Variants in DPP8 observed in about 807,000 individuals in gnomAD.
DPP8 encodes DPP VIII.
A neutral mutation model predicts 107.5 loss-of-function variants in DPP8; 31 were observed. The ratio of observed to expected loss-of-function variants is 0.29; its 90% CI spans 0.22 to 0.39. The LOEUF is 0.39. DPP8 is among the 10% of genes least tolerant of loss of function. The probability of loss-of-function intolerance (pLI) is 1.00; values close to 1 mark genes in which losing one functional copy is unlikely to be tolerated. For missense variants in DPP8, 842 were observed against 1,076.1 expected (o/e 0.78, Z 3.04); for synonymous variants, 381 against 356.6 (o/e 1.07, Z -0.77).
intron 3 of DPP8, among the ~76,000 whole-genome samples, chr15:65,506,759 G>C (rs1405532789): frequency 6.7e-6 from 1 of 149,394 alleles, no homozygotes; most frequent in Admixed American, 6.7e-5. Flanking sequence ...ATGTTAAATA[G>C]TTTTTAATAA....
intron 2 of DPP8, 29 bp from the exon 3 acceptor site, chr15:65,507,384 AT>A: frequency 2.9e-6 from 4 of 1,402,274 alleles, no homozygotes; most frequent in Non-Finnish European, 4.0e-6. Flanking sequence ...ATTTATTATT[AT>A]TTTTTCGAAT....
chr15:65,452,181 T>C lies in DPP8; in HGVS notation c.2272-79A>G, dbSNP rs558430348. On this transcript the variant is annotated intron_variant, in intron 17 of 19. Transcript: ENST00000300141. Reference sequence around the variant, plus strand: ...GCAGTGAGATCTTACAACTGCAAATTTACAGTCTAAAATTATCCTTAAGCT... The same window carrying C: ...GCAGTGAGATCTTACAACTGCAAATCTACAGTCTAAAATTATCCTTAAGCT... 23 of 1,487,838 alleles carry C rather than the reference T, an allele frequency of 1.5e-5. No individual in the cohort carries two copies. In the South Asian group the frequency reaches 2.9e-4, roughly 19 times the overall value. The allele number at this position is 1,487,838 out of a possible 1,614,324, so 92.2% of individuals were successfully genotyped here. A position where few individuals can be genotyped will look rare whatever the true frequency, so the allele number is the denominator to read the frequency against.
At chr15:65,478,422 G>C (rs2066603410) in intron 11 of DPP8, among the ~76,000 whole-genome samples, 1 of 152,044 alleles carries the variant, frequency 6.6e-6, no homozygotes, top group Admixed American at 6.6e-5. Flanking sequence ...ACCACGCCCG[G>C]ATCATTTTTG....
chr15:65,464,041 G>C (rs1345696478), intron 14 of DPP8, 135 bp from the exon 15 acceptor site: 2 of 646,198 alleles, frequency 3.1e-6, no homozygotes, highest in Non-Finnish European at 5.0e-6. Context: ...TGATAAGCTA[G>C]AATTTAAGCA....
At position 65,446,461 on chromosome 15, in the gene DPP8, G is replaced by A. The variant is rs892173268; in HGVS notation, c.*423C>T. ...TTAAGTGCTATCAAATCTGTAACTA[G>A]TCAAAGATTCTGGAACTGAACCAAA... On this transcript the variant is annotated 3_prime_UTR_variant, in exon 20 of 20. Coordinates refer to ENST00000300141, the MANE Select transcript of DPP8 (RefSeq NM_130434.5). 1 of 152,722 alleles carries A rather than the reference G, an allele frequency of 6.5e-6. No homozygotes were observed. The highest frequency in any genetic ancestry group is 2.4e-5 in the African/African-American group (1 of 41,444). 9.5% of individuals were successfully genotyped at this position (152,722 alleles called of 1,614,324 possible). A position where few individuals can be genotyped will look rare whatever the true frequency, so the allele number is the denominator to read the frequency against.
intron 15 of DPP8, among the ~76,000 whole-genome samples, chr15:65,460,086 T>C (rs2064784366): frequency 6.6e-6 from 1 of 152,210 alleles, no homozygotes; most frequent in South Asian, 2.1e-4. Flanking sequence ...TGCTGCTGTG[T>C]AACCATCACC....
chr15:65,463,986 TAA>T (rs2065127404), intron 14 of DPP8, 80 bp from the exon 15 acceptor site: 2 of 1,147,536 alleles, frequency 1.7e-6, no homozygotes, highest in South Asian at 3.5e-5. Flanking sequence ...AACAAGATAT[TAA>T]AAGTCAGCCC....
chr15:65,484,336 A>C (rs1398835179), intron 8 of DPP8, among the ~76,000 whole-genome samples: 1 of 151,822 alleles, frequency 6.6e-6, no homozygotes, highest in African/African-American at 2.4e-5. Context: ...AAAAAAAAAA[A>C]AAAGGTTGCC....
At chr15:65,475,431 T>C (rs978147630) in intron 11 of DPP8, 6 of 1,572,502 alleles carry the variant, frequency 3.8e-6, no homozygotes, top group Non-Finnish European at 8.7e-7. Context: ...TATACCTTAT[T>C]ATGGCATTCA....
chr15:65,489,592 T>A (rs959520889), intron 6 of DPP8, among the ~76,000 whole-genome samples: 3 of 150,052 alleles, frequency 2.0e-5, no homozygotes, highest in African/African-American at 7.3e-5. Context: ...TTTTTTTTTT[T>A]TTTTTTGAGT....
intron 12 of DPP8, among the ~76,000 whole-genome samples, chr15:65,469,714 T>C (rs2065689862): frequency 7.1e-6 from 1 of 141,212 alleles, no homozygotes. Flanking sequence ...TGGATGCCCA[T>C]AATCCCAGCT....
chr15:65,449,347 G>C (rs943259460), intron 19 of DPP8, among the ~76,000 whole-genome samples: 5 of 150,022 alleles, frequency 3.3e-5, no homozygotes, highest in African/African-American at 1.2e-4. Flanking sequence ...ACTACCACTT[G>C]TCCAGTTTTG....
chr15:65,516,128 A>G (rs576424952), intron 1 of DPP8: 5 of 248,844 alleles, frequency 2.0e-5, no homozygotes, highest in Middle Eastern at 1.2e-3. Flanking sequence ...AAATCATCAA[A>G]AACGGCATAT....
intron 15 of DPP8, among the ~76,000 whole-genome samples, chr15:65,457,396 G>C (rs568247048): frequency 1.3e-5 from 2 of 151,822 alleles, no homozygotes; most frequent in South Asian, 4.2e-4. Context: ...TTTTTTAAGA[G>C]ATGGGGTCTC....
At chr15:65,478,733 G>T (rs892069103) in intron 11 of DPP8, 147 bp downstream of exon 11, 2 of 569,724 alleles carry the variant, frequency 3.5e-6, no homozygotes, top group Admixed American at 3.9e-5. Context: ...ACACATACAT[G>T]TATTTATGTT....
At chr15:65,471,078 G>A (rs2065852710) in intron 12 of DPP8, among the ~76,000 whole-genome samples, 1 of 152,090 alleles carries the variant, frequency 6.6e-6, no homozygotes, top group Admixed American at 6.6e-5. Context: ...CAATTATTGG[G>A]GTTCCCTCAG....
intron 8 of DPP8, 110 bp downstream of exon 8, chr15:65,484,989 T>C: frequency 3.6e-6 from 3 of 832,692 alleles, no homozygotes; most frequent in South Asian, 3.0e-5. Flanking sequence ...TCCACCGATA[T>C]CTCAGCAAGT....
At position 65,454,251 on chromosome 15, in the gene DPP8, G is replaced by A. The variant is rs1245860200; in HGVS notation, c.2271+12C>T. The A allele has an allele frequency of 2.0e-6, 3 of 1,481,674 alleles. No individual in the cohort carries two copies. Among genetic ancestry groups the A allele is most frequent in the African/African-American group, 3.0e-5 (2 of 67,598 alleles). The allele number at this position is 1,481,674 out of a possible 1,614,324, so 91.8% of individuals were successfully genotyped here. On this transcript the variant is annotated intron_variant, in intron 17 of 19. Coordinates refer to ENST00000300141, the MANE Select transcript of DPP8 (RefSeq NM_130434.5). ...CTTATTGCAAAAATGAGTATAATAG[G>A]AAGTCACATACCCTGAAGATATCTG...
At chr15:65,457,943 C>T (rs2064575815) in intron 15 of DPP8, among the ~76,000 whole-genome samples, 1 of 152,024 alleles carries the variant, frequency 6.6e-6, no homozygotes, top group Admixed American at 6.6e-5. Flanking sequence ...CATGTGTGTG[C>T]CACAGCACCT....
Sources: gnomAD v4.1 joint callset for allele counts (sites outside exome capture counted in the v4.1 genomes callset) on GRCh38, gnomAD v4.1.1 for gene constraint, MANE v1.5 for transcripts, NCBI Gene and HGNC (gene_info 2026-07-23, HGNC 2026-07-21) for gene names.